The following MAML3 variants were observed in gnomAD, a reference collection of about 807,000 sequenced individuals.
The protein encoded by MAML3 is mastermind-like protein 3.
In MAML3, 27 loss-of-function variants were observed where a neutral mutation model predicts 101.9. That is an observed-to-expected ratio of 0.27 (90% CI 0.20 to 0.37). The LOEUF (loss-of-function observed/expected upper bound fraction) is 0.37. Among genes scored for constraint, MAML3 ranks in the 10% least tolerant of loss-of-function variants. The probability of loss-of-function intolerance (pLI) is 1.00; values close to 1 mark genes in which losing one functional copy is unlikely to be tolerated. For synonymous variants in MAML3, 501 were observed against 555.9 expected (o/e 0.90, Z 1.39); for missense variants, 1,316 against 1,444.9 (o/e 0.91, Z 1.45).
At chr4:139,738,528 C>T (rs1239762869) in intron 2 of MAML3, among the ~76,000 whole-genome samples, 1 of 152,138 alleles carries the variant, frequency 6.6e-6, no homozygotes, top group Admixed American at 6.5e-5. Flanking sequence ...GGGCACAATA[C>T]AGCGACACTC....
rs747780027 is a variant in MAML3, at chr4:139,889,400, A to C, written c.2036T>G (p.Met679Arg). ...RLLLMKQKGV[M>R]NQPMAYAALP... ...TGCAGCGTAAGCCATGGGCTGATTC[A>C]TCACTCCTTTCTGCTTCATGAGAAG... The change falls in exon 2 of 5, where the codon ATG becomes AGG. Residue 679 changes from methionine to arginine, a missense_variant. Transcript: ENST00000509479. The C allele has an allele frequency of 6.2e-7, 1 of 1,614,028 alleles. No individual in the cohort carries two copies.
At chr4:140,143,431 T>A (rs537884286) in intron 1 of MAML3, among the ~76,000 whole-genome samples, 1 of 152,318 alleles carries the variant, frequency 6.6e-6, no homozygotes, top group African/African-American at 2.4e-5. Context: ...GACTTTTACG[T>A]ATACTAACTC....
chr4:139,723,155 A>G (rs1375222014), intron 4 of MAML3, among the ~76,000 whole-genome samples: 2 of 152,260 alleles, frequency 1.3e-5, no homozygotes, highest in African/African-American at 4.8e-5. Context: ...CAAGAATTAC[A>G]TCAGGATCTG....
At chr4:139,836,967 A>G (rs995804248) in intron 2 of MAML3, among the ~76,000 whole-genome samples, 2 of 151,806 alleles carry the variant, frequency 1.3e-5, no homozygotes, top group African/African-American at 4.8e-5. Context: ...TACTAAAAAT[A>G]CAAAATTAGC....
chr4:139,889,533 G>T lies in MAML3; in HGVS notation c.1903C>A (p.Gln635Lys). 1 of 1,613,810 alleles carries T rather than the reference G, an allele frequency of 6.2e-7. No individual in the cohort carries two copies. The highest frequency in any genetic ancestry group is 8.5e-7 in the Non-Finnish European group (1 of 1,179,828). Residue 635 changes from glutamine to lysine, a missense_variant, in exon 2 of 5, where the codon CAG (glutamine) becomes AAG (lysine). Coordinates refer to ENST00000509479, the MANE Select transcript of MAML3 (RefSeq NM_018717.5). The stretch of plus-strand genomic sequence containing the variant: ...TGTTGCTGTTGCTGCTGCTGTTGCT[G>T]CTGCTGGATATACGGCATCAAGGGG... ...KNPLMPYIQQ[Q>K]QQQQQQQQQQ...
At chr4:140,092,319 C>A (rs898856648) in intron 1 of MAML3, among the ~76,000 whole-genome samples, 9 of 151,954 alleles carry the variant, frequency 5.9e-5, no homozygotes, top group Non-Finnish European at 1.2e-4. Context: ...GAATCAAGGA[C>A]ACCGGTTTCC....
intron 2 of MAML3, among the ~76,000 whole-genome samples, chr4:139,800,831 A>T (rs944340385): frequency 6.6e-6 from 1 of 152,270 alleles, no homozygotes; most frequent in Non-Finnish European, 1.5e-5. Context: ...TTTATTTTGC[A>T]ACCAGTAATC....
rs776369755 is a variant in MAML3, at chr4:139,730,483, T to G, written c.2264A>C (p.Lys755Thr). The change falls in exon 3 of 5, where the codon AAG becomes ACG. Residue 755 changes from lysine (K) to threonine (T), a missense_variant. Coordinates refer to ENST00000509479, the MANE Select transcript of MAML3 (RefSeq NM_018717.5). ...DQRAQLIEQQ[K>T]QQFLREQRQQ... ...CCTTTGCTCCCGCAGGAACTGTTGC[T>G]TCTGCTGCTCTATCAACTGGGCCCG... is the stretch of plus-strand genomic sequence containing the variant. 8 of 1,553,202 alleles carry G rather than the reference T, an allele frequency of 5.2e-6. No individual in the cohort carries two copies. In the African/African-American group the frequency reaches 1.1e-4, roughly 21 times the overall value.
intron 1 of MAML3, among the ~76,000 whole-genome samples, chr4:140,109,656 A>G (rs1300776358): frequency 6.6e-6 from 1 of 152,190 alleles, no homozygotes; most frequent in African/African-American, 2.4e-5. Flanking sequence ...TTATAACAGA[A>G]AGCTTTCCTT....
In MAML3 at chr4:140,040,376, T is replaced by A. The variant is rs985751472; in HGVS notation, c.468+112484A>T. Among the ~76,000 whole-genome samples the A allele has an allele frequency of 2.2e-4, 34 of 152,304 alleles. No individual in the cohort carries two copies. The East Asian group carries it at 6.0e-3, about 27-fold the overall frequency. ...TCCAGAGAGGGAGGTACTCATCAAG[T>A]GCAGTCTTCAAAAATTATGTGGGAT... On this transcript the variant is annotated intron_variant, in intron 1 of 4. Coordinates refer to ENST00000509479, the MANE Select transcript of MAML3 (RefSeq NM_018717.5).
chr4:139,768,222 T>TTTTGTGTGTG (rs745658240), intron 2 of MAML3, among the ~76,000 whole-genome samples: 2 of 136,344 alleles, frequency 1.5e-5, no homozygotes, highest in East Asian at 4.4e-4. Flanking sequence ...CTGTTGATAG[T>TTTTGTGTGTG]TGTGTGTGTG....
intron 1 of MAML3, among the ~76,000 whole-genome samples, chr4:140,058,609 AGTATTT>A (rs71584354): frequency 0.27 from 40,682 of 150,924 alleles, 6,112 homozygotes; most frequent in East Asian, 0.43. Flanking sequence ...ATATTTTCTT[AGTATTT>A]GTATCTTGCC....
intron 2 of MAML3, chr4:139,793,999 T>C (rs1034229557): frequency 6.6e-6 from 1 of 152,230 alleles, no homozygotes; most frequent in Non-Finnish European, 1.5e-5. Context: ...CAGGAAGTTC[T>C]CATGTACCTA....
rs147801751 is a variant in MAML3 at position 139,984,833 on chromosome 4, C to T, written c.469-93866G>A. Among the ~76,000 whole-genome samples the T allele has an allele frequency of 6.8e-3, 1,028 of 152,278 alleles. 12 individuals are homozygous for T. Among genetic ancestry groups the T allele is most frequent in the Middle Eastern group, 0.044 (13 of 294 alleles). The stretch of plus-strand genomic sequence containing the variant: ...ATCTCCTTTATTTCAAGTGAACTGG[C>T]TAGTGATGTTAACCACATTACAAAA... On this transcript the variant is annotated intron_variant, in intron 1 of 4. Coordinates refer to ENST00000509479, the MANE Select transcript of MAML3 (RefSeq NM_018717.5).
chr4:139,821,546 T>G (rs543117248), intron 2 of MAML3, among the ~76,000 whole-genome samples: 1 of 152,186 alleles, frequency 6.6e-6, no homozygotes, highest in Non-Finnish European at 1.5e-5. Flanking sequence ...CCAAAAAGGT[T>G]GGGGACCACT....
intron 1 of MAML3, among the ~76,000 whole-genome samples, chr4:140,121,226 CAAAT>C (rs772596116): frequency 6.6e-6 from 1 of 152,126 alleles, no homozygotes; most frequent in Non-Finnish European, 1.5e-5. Flanking sequence ...CTAATTGTGC[CAAAT>C]AGATACAAAT....
chr4:139,979,433 C>T (rs1184519334), intron 1 of MAML3, among the ~76,000 whole-genome samples: 1 of 152,180 alleles, frequency 6.6e-6, no homozygotes, highest in East Asian at 1.9e-4. Context: ...GTCTGCTGAG[C>T]TCCTTCTATA....
rs529882472 is a variant in MAML3 at position 139,924,157 on chromosome 4, A to G, written c.469-33190T>C. 1.4e-4 allele frequency among the ~76,000 whole-genome samples: 22 copies of G among 152,346 alleles called. 1 individual carries two copies. The highest frequency in any genetic ancestry group is 5.1e-4 in the African/African-American group (21 of 41,580). On this transcript the variant is annotated intron_variant, in intron 1 of 4. Coordinates refer to ENST00000509479, the MANE Select transcript of MAML3 (RefSeq NM_018717.5). Reference sequence around the variant, plus strand: ...TTCCTCTCCCCAGACATAGAAACTCACAAAATCCCTGTGCTTCTATAATGT... The same window carrying G: ...TTCCTCTCCCCAGACATAGAAACTCGCAAAATCCCTGTGCTTCTATAATGT...
In MAML3 at chr4:139,981,857, C is replaced by A. The variant is rs1307911269; in HGVS notation, c.469-90890G>T. 4.6e-5 allele frequency among the ~76,000 whole-genome samples: 7 copies of A among 152,260 alleles called. 1 individual carries two copies. The highest frequency in any genetic ancestry group is 3.9e-4 in the Admixed American group (6 of 15,288). ...GTGTTATAGATTTTCAGGAAGAAGACCACAGAGATAAAGTGCCATTCTCAT... is the reference window on the plus strand; with the variant it reads ...GTGTTATAGATTTTCAGGAAGAAGAACACAGAGATAAAGTGCCATTCTCAT... On this transcript the variant is annotated intron_variant, in intron 1 of 4. Coordinates refer to ENST00000509479, the MANE Select transcript of MAML3 (RefSeq NM_018717.5).
Sources: gnomAD v4.1 joint callset for allele counts (sites outside exome capture counted in the v4.1 genomes callset) on GRCh38, gnomAD v4.1.1 for gene constraint, MANE v1.5 for transcripts, NCBI Gene and HGNC (gene_info 2026-07-23, HGNC 2026-07-21) for gene names.